Variants in OTUD7A observed in about 807,000 individuals in gnomAD.
OTUD7A encodes OTU deubiquitinase 7A.
Under a neutral mutation model 65.7 loss-of-function variants are expected in OTUD7A, and 12 were observed. The observed-to-expected ratio is 0.18, with a 90% confidence interval of 0.12 to 0.30. The LOEUF is 0.30. Among genes scored for constraint, OTUD7A ranks in the 10% least tolerant of loss-of-function variants. The pLI is 1.00. For missense variants in OTUD7A, 1,148 were observed against 1,304.8 expected, an observed-to-expected ratio of 0.88 and a Z score of 1.85; for synonymous variants, 641 against 586.3, an observed-to-expected ratio of 1.09 and a Z score of -1.35.
At position 31,634,712 on chromosome 15, in the gene OTUD7A, C is replaced by T. The variant is rs561893036; in HGVS notation, c.151+20384G>A. 2.0e-5 allele frequency among the ~76,000 whole-genome samples: 3 copies of T among 152,372 alleles called. No homozygotes were observed. The South Asian group carries it at 6.2e-4, about 32-fold the overall frequency. ...ACCAGGGCATGAGTGCCGATGACAG[C>T]GATGGAGTCCCGTTCCCCTGTGCTT... On this transcript the variant is annotated intron_variant, in intron 3 of 12. Transcript: ENST00000307050.
intron 1 of OTUD7A, among the ~76,000 whole-genome samples, chr15:31,790,104 G>A (rs968115707): frequency 2.6e-5 from 4 of 152,244 alleles, no homozygotes; most frequent in South Asian, 4.1e-4. Context: ...AGCCACCACC[G>A]CCCTATAAAG....
chr15:31,825,516 TG>T (rs1896777220), intron 1 of OTUD7A, among the ~76,000 whole-genome samples: 1 of 152,224 alleles, frequency 6.6e-6, no homozygotes, highest in Admixed American at 6.5e-5. Context: ...GTAGGAATTC[TG>T]GGAGTACAAT....
rs550808657 is a variant in OTUD7A, at chr15:31,536,387, G to A, written c.551-5579C>T. 9.2e-5 allele frequency among the ~76,000 whole-genome samples: 14 copies of A among 152,318 alleles called. No individual in the cohort carries two copies. The East Asian group carries it at 2.5e-3, about 27-fold the overall frequency. The stretch of plus-strand genomic sequence containing the variant: ...CTTCTAATGTTATGTGAAACTTCTA[G>A]TGACATATATATGTTTTTATTTGGA... On this transcript the variant is annotated intron_variant, in intron 5 of 12. Coordinates refer to ENST00000307050, the MANE Select transcript of OTUD7A (RefSeq NM_001382637.1).
chr15:31,521,155 C>T (rs771592291), intron 8 of OTUD7A, among the ~76,000 whole-genome samples: 9 of 152,104 alleles, frequency 5.9e-5, no homozygotes, highest in Admixed American at 3.3e-4. Flanking sequence ...GGGGTGAGGA[C>T]TGAAAAATTA....
intron 1 of OTUD7A, among the ~76,000 whole-genome samples, chr15:31,795,905 G>A (rs556738478): frequency 7.8e-4 from 119 of 152,250 alleles, no homozygotes; most frequent in African/African-American, 2.7e-3. Context: ...ATGCCCTACC[G>A]GAAGCATGGT....
chr15:31,632,134 A>G (rs1891184338), intron 3 of OTUD7A, among the ~76,000 whole-genome samples: 1 of 152,048 alleles, frequency 6.6e-6, no homozygotes, highest in African/African-American at 2.4e-5. Context: ...GCTGGTGAGA[A>G]GGTGCGTTCC....
At chr15:31,813,073 T>C (rs993903491) in intron 1 of OTUD7A, among the ~76,000 whole-genome samples, 1 of 152,176 alleles carries the variant, frequency 6.6e-6, no homozygotes, top group Admixed American at 6.5e-5. Context: ...AGACACCTGA[T>C]GCGGCAGCTG....
At chr15:31,521,865 TCTC>T (rs1394340893) in intron 8 of OTUD7A, among the ~76,000 whole-genome samples, 1 of 152,186 alleles carries the variant, frequency 6.6e-6, no homozygotes, top group Non-Finnish European at 1.5e-5. Context: ...TCTGCTCTCT[TCTC>T]CTCTTTGTCT....
chr15:31,819,575 T>C (rs929713621), intron 1 of OTUD7A, among the ~76,000 whole-genome samples: 2 of 152,220 alleles, frequency 1.3e-5, no homozygotes, highest in African/African-American at 2.4e-5. Flanking sequence ...TTTGGGAATA[T>C]GGAATTTTGA....
At chr15:31,781,488 T>TA (rs144158097) in intron 1 of OTUD7A, among the ~76,000 whole-genome samples, 26,809 of 152,176 alleles carry the variant, frequency 0.18, 3,111 homozygotes, top group Middle Eastern at 0.35. Flanking sequence ...TCCAAGGTTG[T>TA]ATTAACCATT....
chr15:31,859,719 T>C (rs1897671588), intron 1 of OTUD7A, among the ~76,000 whole-genome samples: 1 of 152,212 alleles, frequency 6.6e-6, no homozygotes, highest in Non-Finnish European at 1.5e-5. Context: ...AAAGTCCCAA[T>C]GGGTTCCAAG....
intron 8 of OTUD7A, among the ~76,000 whole-genome samples, chr15:31,507,634 T>TGGGGGG (rs60691059): frequency 1.2e-4 from 8 of 69,424 alleles, no homozygotes; most frequent in African/African-American, 5.4e-4. Flanking sequence ...CGCTGCTGGC[T>TGGGGGG]GGGGGGCGGG....
At chr15:31,563,263 T>C (rs541613103) in intron 4 of OTUD7A, among the ~76,000 whole-genome samples, 1 of 152,316 alleles carries the variant, frequency 6.6e-6, no homozygotes, top group Non-Finnish European at 1.5e-5. Context: ...TCTGTCTGGA[T>C]TGCTGCTGCC....
chr15:31,750,208 G>A (rs1894593599), intron 1 of OTUD7A, among the ~76,000 whole-genome samples: 1 of 152,008 alleles, frequency 6.6e-6, no homozygotes, highest in Non-Finnish European at 1.5e-5. Flanking sequence ...AGGAGTTCGA[G>A]ACCAGCCTGG....
intron 3 of OTUD7A, among the ~76,000 whole-genome samples, chr15:31,647,554 A>T (rs1483367677): frequency 6.6e-6 from 1 of 152,012 alleles, no homozygotes; most frequent in East Asian, 1.9e-4. Flanking sequence ...CTCAGATCCT[A>T]TTTTTTTTAA....
At chr15:31,521,122 T>C (rs549662002) in intron 8 of OTUD7A, among the ~76,000 whole-genome samples, 144 of 152,282 alleles carry the variant, frequency 9.5e-4, no homozygotes, top group Middle Eastern at 3.4e-3. Flanking sequence ...CACTGGAAGC[T>C]ATGACAGGCC....
At chr15:31,655,051 G>T in intron 3 of OTUD7A, 45 bp downstream of exon 3, 1 of 1,595,444 alleles carries the variant, frequency 6.3e-7, no homozygotes, top group East Asian at 2.3e-5. Context: ...TTGGAAGGTG[G>T]TTATGCCCAG....
intron 1 of OTUD7A, among the ~76,000 whole-genome samples, chr15:31,676,884 T>C (rs1892606196): frequency 6.6e-6 from 1 of 152,158 alleles, no homozygotes; most frequent in East Asian, 1.9e-4. Flanking sequence ...TAAATACACA[T>C]AGACAAGAAG....
At chr15:31,513,149 G>A (rs1408441078) in intron 8 of OTUD7A, among the ~76,000 whole-genome samples, 2 of 152,222 alleles carry the variant, frequency 1.3e-5, no homozygotes, top group Non-Finnish European at 2.9e-5. Context: ...GGGATTACAG[G>A]CATGAGCCAC....
Sources: allele counts gnomAD v4.1 joint callset (sites outside exome capture counted in the v4.1 genomes callset), GRCh38; gene constraint gnomAD v4.1.1; transcripts MANE v1.5; gene names NCBI Gene and HGNC (gene_info 2026-07-23, HGNC 2026-07-21).